Variants in PUDP observed in about 807,000 individuals in gnomAD.
PUDP encodes the protein pseudouridine-5'-phosphatase.
A neutral mutation model predicts 9.4 loss-of-function variants in PUDP; 8 were observed. That is an observed-to-expected ratio of 0.85 (90% CI 0.50 to 1.53). The LOEUF (loss-of-function observed/expected upper bound fraction) is 1.53, where lower values mean the gene tolerates loss of function less well. Ranked by LOEUF, PUDP falls within the 40% of genes most tolerant of loss-of-function variation. The probability of loss-of-function intolerance (pLI) is 0.00; values close to 1 mark genes in which losing one functional copy is unlikely to be tolerated. For synonymous variants in PUDP, 99 were observed against 80.7 expected (o/e 1.23, Z -1.22); for missense variants, 188 against 189.7 (o/e 0.99, Z 0.05).
intron 3 of PUDP, among the ~76,000 whole-genome samples, chrX:6,901,494 G>A (rs1449516422): frequency 1.8e-5 from 2 of 112,344 alleles, no homozygotes; most frequent in East Asian, 5.6e-4. Flanking sequence ...TTAAAACCGT[G>A]TCTCTACCTG....
intron 3 of PUDP, among the ~76,000 whole-genome samples, chrX:6,906,545 G>A (rs1210466467): frequency 3.6e-5 from 4 of 112,130 alleles, no homozygotes; most frequent in Non-Finnish European, 7.5e-5. Context: ...CTGGCAGAGC[G>A]AAGATGCTAT....
At chrX:6,762,111 G>T (rs1925234756) in intron 3 of PUDP, among the ~76,000 whole-genome samples, 1 of 111,656 alleles carries the variant, frequency 9.0e-6, no homozygotes, top group Non-Finnish European at 1.9e-5. Flanking sequence ...AGGATGGATT[G>T]AGTCAGGGAG....
intron 3 of PUDP, among the ~76,000 whole-genome samples, chrX:6,918,884 C>T (rs926392753): frequency 1.8e-5 from 2 of 112,257 alleles, no homozygotes; most frequent in Admixed American, 1.9e-4. Flanking sequence ...TCAGTCAATC[C>T]TACAATGTAA....
intron 1 of PUDP, among the ~76,000 whole-genome samples, chrX:6,995,550 C>A (rs184713099): frequency 9.1e-6 from 1 of 109,403 alleles, no homozygotes; most frequent in African/African-American, 3.3e-5. Flanking sequence ...ATGGCAAAAC[C>A]CCGTCTCTAA....
At chrX:6,885,524 AG>A (rs1195081179) in intron 3 of PUDP, among the ~76,000 whole-genome samples, 1 of 112,139 alleles carries the variant, frequency 8.9e-6, no homozygotes, top group Non-Finnish European at 1.9e-5. Context: ...ACAAACCTTA[AG>A]GGGGATCATC....
intron 3 of PUDP, among the ~76,000 whole-genome samples, chrX:6,813,999 G>A (rs1456939571): frequency 9.0e-6 from 1 of 111,034 alleles, no homozygotes; most frequent in Non-Finnish European, 1.9e-5. Context: ...GGCTGCCATT[G>A]CGGGAGAAAC....
chrX:6,928,452 C>T lies in PUDP; in HGVS notation c.*247+48681G>A, dbSNP rs771224656. On this transcript the variant is annotated intron_variant and NMD_transcript_variant, in intron 3 of 3. Transcript: ENST00000655425. ...TGGGCTTTTGGTTTCTGAGCTCTAA[C>T]AGTAGGAATAGCTTGTGAAATCTCC... Among the ~76,000 whole-genome samples, 5 of 111,499 alleles carry T rather than the reference C, an allele frequency of 4.5e-5. No homozygotes were observed. The Admixed American group carries it at 4.8e-4, about 11-fold the overall frequency.
chrX:6,914,691 AT>A (rs1927902824), intron 3 of PUDP, among the ~76,000 whole-genome samples: 1 of 112,074 alleles, frequency 8.9e-6, no homozygotes, highest in Admixed American at 9.5e-5. Context: ...CTCCTACAAT[AT>A]TTCCCTTCCA....
chrX:6,903,104 T>G (rs1414228890), intron 3 of PUDP, among the ~76,000 whole-genome samples: 5 of 111,748 alleles, frequency 4.5e-5, no homozygotes, highest in Non-Finnish European at 9.4e-5. Flanking sequence ...AGTATGCTTC[T>G]AAACCCAATG....
chrX:6,858,314 T>C (rs1035177502), intron 3 of PUDP, among the ~76,000 whole-genome samples: 19 of 101,673 alleles, frequency 1.9e-4, no homozygotes, highest in South Asian at 4.8e-4. Flanking sequence ...ATCCTTTTTT[T>C]TTTCTTTCTT....
chrX:6,840,807 G>A (rs972682743), intron 3 of PUDP, among the ~76,000 whole-genome samples: 2 of 106,330 alleles, frequency 1.9e-5, no homozygotes, highest in Non-Finnish European at 3.9e-5. Flanking sequence ...TACTGCTCAG[G>A]TGGGGGATGT....
chrX:6,917,249 C>T (rs1380399397), intron 3 of PUDP, among the ~76,000 whole-genome samples: 1 of 110,763 alleles, frequency 9.0e-6, no homozygotes, highest in Non-Finnish European at 1.9e-5. Flanking sequence ...TATCTGCAGT[C>T]CCAGCTACTT....
intron 3 of PUDP, among the ~76,000 whole-genome samples, chrX:6,732,933 C>T (rs1924826878): frequency 1.8e-5 from 2 of 111,659 alleles, no homozygotes; most frequent in South Asian, 7.6e-4. Flanking sequence ...GTCAGCGGCC[C>T]GCACGGACCA....
At chrX:6,859,035 G>A (rs968698701) in intron 3 of PUDP, among the ~76,000 whole-genome samples, 8 of 111,496 alleles carry the variant, frequency 7.2e-5, no homozygotes, top group African/African-American at 2.0e-4. Context: ...TCATGACAGT[G>A]AATACGTCTC....
chrX:6,975,927 G>A (rs1928947723), intron 3 of PUDP, among the ~76,000 whole-genome samples: 1 of 112,340 alleles, frequency 8.9e-6, no homozygotes, highest in African/African-American at 3.2e-5. Flanking sequence ...TTGTGAGGCA[G>A]TCTGGCTGCA....
At chrX:6,725,930 A>G (rs1435889147), upstream of PUDP, among the ~76,000 whole-genome samples, 1 of 111,880 alleles carries the variant, frequency 8.9e-6, no homozygotes. Flanking sequence ...ACCCAAAGGA[A>G]AAGAAATCAT....
chrX:7,091,122 C>G (rs1314008621), intron 2 of PUDP, among the ~76,000 whole-genome samples: 1 of 111,647 alleles, frequency 9.0e-6, no homozygotes, highest in Admixed American at 9.5e-5. Context: ...CCTGTCCTCA[C>G]AGAAGCTATA....
chrX:7,142,496 C>T (rs1602844426), intron 1 of PUDP, among the ~76,000 whole-genome samples: 1 of 111,512 alleles, frequency 9.0e-6, no homozygotes. Flanking sequence ...TTCTTAGGGA[C>T]GCGAAAAGAA....
At chrX:6,720,287 T>TATATATATATATAC (rs1162322257) in intron 1 of PUDP, among the ~76,000 whole-genome samples, 25 of 83,129 alleles carry the variant, frequency 3.0e-4, no homozygotes, top group African/African-American at 1.1e-3. Context: ...TATATATATA[T>TATATATATATATAC]ACACACACAC....
Sources: allele counts gnomAD v4.1 joint callset (sites outside exome capture counted in the v4.1 genomes callset), GRCh38; gene constraint gnomAD v4.1.1; transcripts MANE v1.5; gene names NCBI Gene and HGNC (gene_info 2026-07-23, HGNC 2026-07-21).